The following SUMF1 variants were observed in gnomAD, a reference collection of about 807,000 sequenced individuals.
The protein encoded by SUMF1 is sulfatase modifying factor 1, also known as formylglycine-generating enzyme.
A neutral mutation model predicts 47.6 loss-of-function variants in SUMF1; 48 were observed. The observed-to-expected ratio is 1.01, with a 90% CI of 0.80 to 1.28. The LOEUF (loss-of-function observed/expected upper bound fraction) is 1.28. SUMF1 is among the 50% of genes most tolerant of loss of function. SUMF1 has a pLI of 0.00. For missense variants in SUMF1, 571 were observed against 485.4 expected, an observed-to-expected ratio of 1.18 and a Z score of -1.66; for synonymous variants, 230 against 192.1, an observed-to-expected ratio of 1.20 and a Z score of -1.63.
intron 7 of SUMF1, among the ~76,000 whole-genome samples, chr3:4,393,477 C>T (rs1700942131): frequency 6.6e-6 from 1 of 152,084 alleles, no homozygotes. Flanking sequence ...GGACTACAGG[C>T]ATATGCCACC....
chr3:4,316,265 G>T, intron 8 of SUMF1: 1 of 841,778 alleles, frequency 1.2e-6, no homozygotes, highest in Non-Finnish European at 1.9e-6. Context: ...TCTTATTCGA[G>T]TTCAAAATGG....
chr3:4,362,184 C>A lies in SUMF1; in HGVS notation c.1085G>T (p.Gly362Val), dbSNP rs771055832. The A allele has an allele frequency of 6.2e-7, 1 of 1,614,158 alleles. No homozygotes were observed. Among genetic ancestry groups the A allele is most frequent in the Non-Finnish European group, 8.5e-7 (1 of 1,179,996 alleles). Residue 362 changes from glycine to valine, a missense_variant, in exon 9 of 9, where the codon GGA becomes GTA. By Grantham distance (109) the Gly-to-Val change is moderately radical. Transcript: ENST00000272902. Reference protein sequence around the residue: ...NTPDSSASNLGFRCAADRLPT... With the variant: ...NTPDSSASNLVFRCAADRLPT... ...CAGGCGGTCGGCTGCACAGCGGAAT[C>A]CCAGATTCGAAGCAGAGCTATCAGG...
At chr3:4,157,445 T>C (rs908072719) in intron 8 of SUMF1, among the ~76,000 whole-genome samples, 4 of 151,666 alleles carry the variant, frequency 2.6e-5, no homozygotes, top group Non-Finnish European at 4.4e-5. Flanking sequence ...TTCCATTTCA[T>C]GTAGAAAGTG....
intron 8 of SUMF1, among the ~76,000 whole-genome samples, chr3:4,246,428 G>A (rs746210013): frequency 8.5e-5 from 13 of 152,102 alleles, no homozygotes; most frequent in Middle Eastern, 3.4e-3. Flanking sequence ...TTTTGACAGA[G>A]TCTCACTCTG....
chr3:4,090,597 C>A (rs545340234), intron 8 of SUMF1, among the ~76,000 whole-genome samples: 117 of 152,130 alleles, frequency 7.7e-4, no homozygotes, highest in Non-Finnish European at 1.4e-3. Context: ...TATACAGATG[C>A]CTGACAACAA....
downstream of SUMF1, among the ~76,000 whole-genome samples, chr3:4,358,672 T>A (rs371822939): frequency 8.5e-5 from 13 of 152,300 alleles, no homozygotes; most frequent in African/African-American, 2.4e-4. Flanking sequence ...ATTTATTTAG[T>A]GGCTTCAAGA....
At chr3:4,348,304 A>T (rs1699414160) in intron 8 of SUMF1, among the ~76,000 whole-genome samples, 1 of 152,246 alleles carries the variant, frequency 6.6e-6, no homozygotes, top group Non-Finnish European at 1.5e-5. Context: ...TAACCAAAAC[A>T]GCATGGTACT....
At chr3:4,466,862 T>TG in intron 1 of SUMF1, 114 bp downstream of exon 1, 1 of 1,456,314 alleles carries the variant, frequency 6.9e-7, no homozygotes, top group Non-Finnish European at 9.3e-7. Flanking sequence ...GTGCTCGATT[T>TG]GGGGTGTGGT....
At chr3:4,262,617 C>T (rs1697110660) in intron 8 of SUMF1, among the ~76,000 whole-genome samples, 1 of 152,118 alleles carries the variant, frequency 6.6e-6, no homozygotes, top group East Asian at 1.9e-4. Flanking sequence ...CTACCAGCAG[C>T]TTTAGGCTTT....
chr3:4,191,565 G>T (rs1695315797), intron 8 of SUMF1, among the ~76,000 whole-genome samples: 1 of 152,126 alleles, frequency 6.6e-6, no homozygotes, highest in South Asian at 2.1e-4. Context: ...GGAATGAATT[G>T]AAAGAAAGCA....
intron 8 of SUMF1, chr3:4,303,825 C>CG (rs976900409): frequency 2.9e-6 from 4 of 1,362,946 alleles, no homozygotes; most frequent in South Asian, 2.5e-5. Flanking sequence ...GGAGGCATCA[C>CG]GGGGGGAGTC....
chr3:4,135,795 A>T (rs1693911779), intron 8 of SUMF1, among the ~76,000 whole-genome samples: 1 of 152,208 alleles, frequency 6.6e-6, no homozygotes, highest in Non-Finnish European at 1.5e-5. Flanking sequence ...TACAAAATCA[A>T]TGTGCAAAAA....
chr3:4,071,917 T>A (rs1468988274), intron 8 of SUMF1, among the ~76,000 whole-genome samples: 1 of 152,128 alleles, frequency 6.6e-6, no homozygotes, highest in Non-Finnish European at 1.5e-5. Flanking sequence ...GAGCAGTGGT[T>A]CTCCCAGCAT....
chr3:4,335,567 T>A (rs1699129864), intron 8 of SUMF1, among the ~76,000 whole-genome samples: 1 of 152,176 alleles, frequency 6.6e-6, no homozygotes, highest in Non-Finnish European at 1.5e-5. Flanking sequence ...TCATCTCAAC[T>A]GAAAATTTGG....
At chr3:4,086,230 C>G (rs1013883909) in intron 8 of SUMF1, among the ~76,000 whole-genome samples, 1 of 147,250 alleles carries the variant, frequency 6.8e-6, no homozygotes, top group African/African-American at 2.5e-5. Flanking sequence ...AAAAAAAAAA[C>G]AGAATTATTG....
chr3:4,456,673 CGTGTATATATATAT>C (rs1559312111), intron 1 of SUMF1, among the ~76,000 whole-genome samples: 68 of 124,726 alleles, frequency 5.5e-4, no homozygotes, highest in Non-Finnish European at 1.0e-3. Context: ...TATATATATA[CGTGTATATATATAT>C]GTGTGTATAT....
downstream of SUMF1, among the ~76,000 whole-genome samples, chr3:4,360,098 T>C (rs185402132): frequency 8.2e-4 from 124 of 152,004 alleles, no homozygotes; most frequent in Middle Eastern, 6.8e-3. Context: ...GTAAAAAATA[T>C]ATGCAGGCGG....
intron 8 of SUMF1, among the ~76,000 whole-genome samples, chr3:4,272,487 G>T (rs1372822302): frequency 6.6e-6 from 1 of 152,186 alleles, no homozygotes; most frequent in East Asian, 1.9e-4. Flanking sequence ...TGAGCAAGGT[G>T]ACTCTTCCTC....
chr3:4,426,795 A>G (rs1173364399), intron 3 of SUMF1, among the ~76,000 whole-genome samples: 2 of 152,176 alleles, frequency 1.3e-5, no homozygotes, highest in African/African-American at 4.8e-5. Flanking sequence ...AACTGAGACA[A>G]TTTCCAGAGT....
Sources: gnomAD v4.1 joint callset for allele counts (sites outside exome capture counted in the v4.1 genomes callset) on GRCh38, gnomAD v4.1.1 for gene constraint, MANE v1.5 for transcripts, NCBI Gene and HGNC (gene_info 2026-07-23, HGNC 2026-07-21) for gene names.